Variants in SETD1B observed in about 807,000 individuals in gnomAD.
SETD1B encodes the protein histone-lysine N-methyltransferase SETD1B.
In SETD1B, 7 loss-of-function variants were observed where a neutral mutation model predicts 148.0. The observed-to-expected ratio is 0.05, with a 90% confidence interval of 0.03 to 0.09. SETD1B has a LOEUF of 0.09. SETD1B is among the 10% of genes least tolerant of loss of function. The probability of loss-of-function intolerance (pLI) is 1.00; values close to 1 mark genes in which losing one functional copy is unlikely to be tolerated. For synonymous variants in SETD1B, 1,361 were observed against 1,186.5 expected, an observed-to-expected ratio of 1.15 and a Z score of -3.02; for missense variants, 2,155 against 2,729.9, an observed-to-expected ratio of 0.79 and a Z score of 4.69.
chr12:121,825,508 G>T, intron 13 of SETD1B, 142 bp downstream of exon 13: 2 of 587,330 alleles, frequency 3.4e-6, no homozygotes, highest in Non-Finnish European at 5.8e-6. Context: ...TGGAAGGGGA[G>T]AGGCGGGTGG....
chr12:121,793,121 C>CA, the SETD1B span: 1 of 1,541,886 alleles, frequency 6.5e-7, no homozygotes, highest in Non-Finnish European at 8.8e-7. Context: ...CGGGCGGACC[C>CA]TCGGGCCCCC....
At chr12:121,807,010 A>T (rs1321027928) in intron 4 of SETD1B, among the ~76,000 whole-genome samples, 1 of 152,226 alleles carries the variant, frequency 6.6e-6, no homozygotes, top group Non-Finnish European at 1.5e-5. Context: ...GTCCCCTGGG[A>T]AACCCTGCCT....
intron 6 of SETD1B, among the ~76,000 whole-genome samples, chr12:121,812,460 G>C (rs1057271399): frequency 4.2e-5 from 6 of 144,536 alleles, no homozygotes; most frequent in African/African-American, 1.8e-4. Context: ...GTGAGGTGCC[G>C]CACAGGATGC....
rs971524992 is a variant in SETD1B, at chr12:121,804,631, G to A, written c.-14-93G>A. ...GGGCGCGCTGGCAAGGTGGGAGGGGGTGGGGGCCTGCCGATTGGATTCTTT... is the reference window on the plus strand; with the variant it reads ...GGGCGCGCTGGCAAGGTGGGAGGGGATGGGGGCCTGCCGATTGGATTCTTT... On this transcript the variant is annotated intron_variant, in intron 1 of 16. Coordinates refer to ENST00000604567, the MANE Select transcript of SETD1B (RefSeq NM_001353345.2). The surrounding 1 kb of genome is among the most constrained non-coding windows in gnomAD (Gnocchi z 4.6). 8 of 1,109,470 alleles carry A rather than the reference G, an allele frequency of 7.2e-6. No individual in the cohort carries two copies. Among genetic ancestry groups the A allele is most frequent in the Non-Finnish European group, 1.0e-5 (8 of 779,680 alleles). 68.7% of individuals were successfully genotyped at this position (1,109,470 alleles called of 1,614,324 possible). A position where few individuals can be genotyped will look rare whatever the true frequency, so the allele number is the denominator to read the frequency against.
chr12:121,810,938 A>G lies in SETD1B; in HGVS notation c.1890+103A>G, dbSNP rs1684151342. Reference sequence around the variant, plus strand: ...CATGACTAGCTAAGATGCGGAAGCAATGGGGCTAGGAAAGCCAATATAACA... The same window carrying G: ...CATGACTAGCTAAGATGCGGAAGCAGTGGGGCTAGGAAAGCCAATATAACA... On this transcript the variant is annotated intron_variant, in intron 6 of 16. Transcript: ENST00000604567. This position sits in a 1 kb window ranked among gnomAD's most constrained non-coding sequence, Gnocchi z 7.6. 7 of 1,372,340 alleles carry G rather than the reference A, an allele frequency of 5.1e-6. No homozygotes were observed. Among genetic ancestry groups the G allele is most frequent in the African/African-American group, 2.9e-5 (2 of 68,118 alleles). The allele number at this position is 1,372,340 out of a possible 1,614,324, so 85.0% of individuals were successfully genotyped here.
At chr12:121,813,725 C>T (rs938678770) in intron 6 of SETD1B, among the ~76,000 whole-genome samples, 4 of 152,190 alleles carry the variant, frequency 2.6e-5, no homozygotes, top group African/African-American at 9.7e-5. Context: ...GTCTCCCTGC[C>T]TTCTTTCTCT....
At chr12:121,825,665 G>C (rs1271194372) in intron 13 of SETD1B, among the ~76,000 whole-genome samples, 4 of 151,794 alleles carry the variant, frequency 2.6e-5, no homozygotes, top group Non-Finnish European at 5.9e-5. Context: ...TTTAGGGGGG[G>C]ACAAAGCCTT....
rs1171847238 is a variant in SETD1B, at chr12:121,822,562, C to A, written c.3983C>A (p.Pro1328Gln). Residue 1328 changes from proline to glutamine, a missense_variant, in exon 12 of 17, where the codon CCA becomes CAA. Physicochemically the swap from Pro to Gln is moderately conservative, Grantham distance 76. Transcript: ENST00000604567. The part of the protein sequence containing the change: ...PLPLQPPLPP[P>Q]RPPRPPSPPP... The stretch of plus-strand genomic sequence containing the variant: ...CCGCTGCAACCACCATTGCCGCCCC[C>A]ACGACCACCCCGGCCACCCAGCCCA... 1.5e-5 allele frequency: 23 copies of A among 1,551,258 alleles called. 1 individual carries two copies. Among genetic ancestry groups the A allele is most frequent in the Non-Finnish European group, 1.8e-5 (21 of 1,146,828 alleles).
At chr12:121,806,646 ACAGAGCCGCCGGGGAAGAG>A (rs1394793174) in intron 4 of SETD1B, among the ~76,000 whole-genome samples, 1 of 152,108 alleles carries the variant, frequency 6.6e-6, no homozygotes, top group Non-Finnish European at 1.5e-5. Flanking sequence ...AAGGTTCTCG[ACAGAGCCGCCGGGGAAGAG>A]CAGAGCCGGG....
At chr12:121,807,967 C>A (rs531203704) in intron 4 of SETD1B, among the ~76,000 whole-genome samples, 1 of 151,984 alleles carries the variant, frequency 6.6e-6, no homozygotes, top group African/African-American at 2.4e-5. Flanking sequence ...AGTCTCAGCC[C>A]CAGGAGACAT....
In SETD1B at chr12:121,814,423, C is replaced by A; in HGVS notation, c.2208C>A (p.Val736=). 4 of 1,336,520 alleles carry A rather than the reference C, an allele frequency of 3.0e-6. No individual in the cohort carries two copies. The highest frequency in any genetic ancestry group is 1.5e-5 in the South Asian group (1 of 66,038). The allele number at this position is 1,336,520 out of a possible 1,614,324, so 82.8% of individuals were successfully genotyped here. The part of the protein sequence containing the change: ...PPPPLPAPPG[V]PPPPILPPLP... ...CACCCTTGCCAGCGCCGCCTGGAGTCCCGCCCCCACCCATCCTGCCACCAC... is the reference window on the plus strand; with the variant it reads ...CACCCTTGCCAGCGCCGCCTGGAGTACCGCCCCCACCCATCCTGCCACCAC... Residue 736 remains valine (V), a synonymous_variant, in exon 7 of 17, where the codon GTC becomes GTA. Transcript: ENST00000604567.
chr12:121,810,089 C>A lies in SETD1B; in HGVS notation c.1144C>A (p.Pro382Thr). The change falls in exon 6 of 17, where the codon CCA (proline) becomes ACA (threonine). Residue 382 changes from proline (P) to threonine (T), a missense_variant. Physicochemically the swap from Pro to Thr is conservative, Grantham distance 38. This residue lies in a region of SETD1B where 376 missense variants were observed against 385.0 expected (regional missense o/e 0.98). Transcript: ENST00000604567. The surrounding 1 kb of genome is among the most constrained non-coding windows in gnomAD (Gnocchi z 7.6). Reference sequence around the variant, plus strand: ...GGATTCAGCCACATTTGCCCACACTCCACCACCCGCCCAAGCAACCCCTGC... The same window carrying A: ...GGATTCAGCCACATTTGCCCACACTACACCACCCGCCCAAGCAACCCCTGC... ...PQDSATFAHTPPPAQATPAPG... is the reference protein window; with the variant it reads ...PQDSATFAHTTPPAQATPAPG... 1 of 1,550,224 alleles carries A rather than the reference C, an allele frequency of 6.5e-7. No individual in the cohort carries two copies.
rs1248344782 is a variant in SETD1B at position 121,825,233 on chromosome 12, G to A, written c.5204G>A (p.Arg1735Gln). 6 of 1,551,546 alleles carry A rather than the reference G, an allele frequency of 3.9e-6. No homozygotes were observed. The highest frequency in any genetic ancestry group is 1.4e-5 in the African/African-American group (1 of 73,054). ...TSLSSAKKKK[R>Q]DDGIREHVTG... ...CTCTCTTCAGCTAAGAAGAAGAAAC[G>A]GGACGATGGCATCCGCGAGCACGTG... The change falls in exon 13 of 17, where the codon CGG (arginine) becomes CAG (glutamine). Residue 1735 changes from arginine to glutamine, a missense_variant. Transcript: ENST00000604567.
Position 121,814,819 on chromosome 12 carries a change from C to G in SETD1B, c.2604C>G (p.Val868=). Residue 868 remains valine (V), a synonymous_variant, in exon 7 of 17, where the codon GTC becomes GTG. Transcript: ENST00000604567. The part of the protein sequence containing the change: ...KATVDGVLLV[V]LKELKAIMKR... ...CGGTGGATGGCGTCCTGCTGGTGGTCCTCAAAGAACTCAAGGCCATCATGA... is the reference window on the plus strand; with the variant it reads ...CGGTGGATGGCGTCCTGCTGGTGGTGCTCAAAGAACTCAAGGCCATCATGA... The G allele has an allele frequency of 6.4e-7, 1 of 1,551,644 alleles. No individual in the cohort carries two copies. The highest frequency in any genetic ancestry group is 1.2e-5 in the South Asian group (1 of 84,062).
intron 4 of SETD1B, among the ~76,000 whole-genome samples, chr12:121,807,395 G>A (rs1319356834): frequency 2.7e-5 from 4 of 146,248 alleles, no homozygotes; most frequent in African/African-American, 1.0e-4. Flanking sequence ...TTCCTATCAC[G>A]TGCCCACATT....
At chr12:121,828,231 T>A (rs565577334) in intron 16 of SETD1B, among the ~76,000 whole-genome samples, 161 bp downstream of exon 16, 1 of 152,246 alleles carries the variant, frequency 6.6e-6, no homozygotes, top group Non-Finnish European at 1.5e-5. Context: ...GTGAGGTCTT[T>A]TACCAGGAGC....
At position 121,829,801 on chromosome 12, in the gene SETD1B, A is replaced by T. The variant is rs543460091; in HGVS notation, c.5728-265A>T. ...AGAGCTCAGAAGTGAGACCTGAGCT[A>T]AAAATAGACATACATTTGGGAGGCA... On this transcript the variant is annotated intron_variant, in intron 16 of 16. Coordinates refer to ENST00000604567, the MANE Select transcript of SETD1B (RefSeq NM_001353345.2). Among the ~76,000 whole-genome samples the T allele has an allele frequency of 1.2e-4, 19 of 152,354 alleles. No homozygotes were observed. In the East Asian group the frequency reaches 3.7e-3, roughly 29 times the overall value.
At chr12:121,829,987 T>C in intron 16 of SETD1B, 79 bp from the exon 17 acceptor site, 1 of 1,365,922 alleles carries the variant, frequency 7.3e-7, no homozygotes, top group Non-Finnish European at 9.9e-7. Context: ...AGCACAGGCC[T>C]GGTTGGGTTT....
chr12:121,809,759 G>A lies in SETD1B; in HGVS notation c.814G>A (p.Gly272Ser). The change falls in exon 6 of 17, where the codon GGC becomes AGC. Residue 272 changes from glycine to serine, a missense_variant. By Grantham distance (56) the Gly-to-Ser change is moderately conservative. Coordinates refer to ENST00000604567, the MANE Select transcript of SETD1B (RefSeq NM_001353345.2). The stretch of plus-strand genomic sequence containing the variant: ...GGACACACCCAACTCCTATGGACAG[G>A]GCACCCCGCTCACACCGCGCCTGGG... Reference protein sequence around the residue: ...RLDTPNSYGQGTPLTPRLGTP... With the variant: ...RLDTPNSYGQSTPLTPRLGTP... 6.4e-7 allele frequency: 1 copy of A among 1,551,452 alleles called. No homozygotes were observed. The highest frequency in any genetic ancestry group is 8.7e-7 in the Non-Finnish European group (1 of 1,146,970).
Sources: gnomAD v4.1 joint callset for allele counts (sites outside exome capture counted in the v4.1 genomes callset) on GRCh38, gnomAD v4.1.1 for gene constraint, gnomAD v4.1.1 regional missense constraint, Gnocchi (gnomAD v3.1) non-coding constraint, MANE v1.5 for transcripts, NCBI Gene and HGNC (gene_info 2026-07-23, HGNC 2026-07-21) for gene names.